Variants in MAN2A1 observed in about 807,000 individuals in gnomAD.
MAN2A1 encodes mannosidase alpha class 2A member 1.
MAN2A1 carries 76 observed loss-of-function variants against 142.6 expected under a neutral mutation model. That is an observed-to-expected ratio of 0.53 (90% confidence interval 0.44 to 0.65). The LOEUF (loss-of-function observed/expected upper bound fraction) is 0.65, where lower values mean the gene tolerates loss of function less well. Ranked by LOEUF, MAN2A1 falls within the 30% of genes least tolerant of loss-of-function variation. The pLI, the probability that MAN2A1 is intolerant of heterozygous loss-of-function variation, is 0.00. For synonymous variants in MAN2A1, 559 were observed against 473.2 expected (o/e 1.18, Z -2.35); for missense variants, 1,311 against 1,365.1 (o/e 0.96, Z 0.62).
chr5:109,755,381 G>C lies in MAN2A1; in HGVS notation c.760G>C (p.Asp254His). The C allele has an allele frequency of 1.2e-6, 2 of 1,612,158 alleles. No individual in the cohort carries two copies. The highest frequency in any genetic ancestry group is 1.7e-6 in the Non-Finnish European group (2 of 1,178,252). The change falls in exon 5 of 22, where the codon GAT (aspartate) becomes CAT (histidine). Residue 254 changes from aspartate to histidine, a missense_variant. This residue lies in a region of MAN2A1 where 409 missense variants were observed against 412.7 expected (regional missense o/e 0.99). Transcript: ENST00000261483. ...TGTGACAGGTGGCTGGGTTATGCCT[G>C]ATGAAGCTACTCCACATTATTTTGC... Reference protein sequence around the residue: ...EIVTGGWVMPDEATPHYFALI... With the variant: ...EIVTGGWVMPHEATPHYFALI...
chr5:109,863,914 C>G (rs75009266), intron 20 of MAN2A1: 16 of 152,174 alleles, frequency 1.1e-4, no homozygotes. Context: ...TAGCAGTACC[C>G]CTACAAAATA....
chr5:109,773,874 C>T (rs1753215122), intron 7 of MAN2A1, among the ~76,000 whole-genome samples: 1 of 152,060 alleles, frequency 6.6e-6, no homozygotes, highest in Non-Finnish European at 1.5e-5. Flanking sequence ...TATAAAAATA[C>T]TTGTCGTTTA....
intron 20 of MAN2A1, chr5:109,864,290 T>G (rs1013090244): frequency 1.3e-5 from 2 of 152,236 alleles, no homozygotes; most frequent in African/African-American, 4.8e-5. Context: ...AATTGTATTT[T>G]AAAATATTCA....
At chr5:109,738,817 A>G (rs1340061750) in intron 4 of MAN2A1, among the ~76,000 whole-genome samples, 2 of 152,016 alleles carry the variant, frequency 1.3e-5, no homozygotes, top group East Asian at 3.9e-4. Flanking sequence ...TTAATGCTGA[A>G]GTCTTCTATA....
In MAN2A1 at chr5:109,798,773, C is replaced by T. The variant is rs566460596; in HGVS notation, c.1943+9246C>T. On this transcript the variant is annotated intron_variant, in intron 12 of 21. Transcript: ENST00000261483. ...CTCGGCTTACTGCAAGCTCCGCCTC[C>T]CAGGTTCACACCATTCTCCTGCCTC... 5.5e-4 allele frequency among the ~76,000 whole-genome samples: 83 copies of T among 152,258 alleles called. 1 individual carries two copies. Among genetic ancestry groups the T allele is most frequent in the African/African-American group, 1.7e-3 (72 of 41,552 alleles).
chr5:109,800,103 A>C (rs1753978683), intron 12 of MAN2A1, among the ~76,000 whole-genome samples: 1 of 151,966 alleles, frequency 6.6e-6, no homozygotes, highest in Admixed American at 6.6e-5. Context: ...AAAAAAAAAA[A>C]AAACAACCTC....
intron 1 of MAN2A1, among the ~76,000 whole-genome samples, chr5:109,712,372 T>G (rs771491364): frequency 1.4e-4 from 21 of 152,204 alleles, no homozygotes; most frequent in Non-Finnish European, 3.1e-4. Flanking sequence ...CCTTACTTTA[T>G]CTTCTGAAAA....
In MAN2A1 at chr5:109,867,018, A is replaced by G. The variant is rs1372217108; in HGVS notation, c.*20A>G. 21 of 1,601,754 alleles carry G rather than the reference A, an allele frequency of 1.3e-5. No individual in the cohort carries two copies. The highest frequency in any genetic ancestry group is 1.7e-5 in the Non-Finnish European group (20 of 1,174,146). On this transcript the variant is annotated 3_prime_UTR_variant, in exon 22 of 22. Transcript: ENST00000261483. ...AGGTGAACCTGACTTTCACATTTGG[A>G]TTGAGAATCATTGGCTTTTATACCT...
chr5:109,751,949 C>T (rs1196277950), intron 4 of MAN2A1, among the ~76,000 whole-genome samples: 1 of 151,994 alleles, frequency 6.6e-6, no homozygotes, highest in Non-Finnish European at 1.5e-5. Context: ...TAAACTTACT[C>T]TTCTTTTTCA....
At chr5:109,812,987 T>C (rs367865564) in intron 12 of MAN2A1, among the ~76,000 whole-genome samples, 4 of 152,312 alleles carry the variant, frequency 2.6e-5, no homozygotes, top group South Asian at 2.1e-4. Flanking sequence ...AGTGCACTTA[T>C]AAAGAACTTG....
chr5:109,840,635 G>T, intron 16 of MAN2A1: 1 of 465,522 alleles, frequency 2.1e-6, no homozygotes, highest in South Asian at 1.6e-5. Flanking sequence ...AGATTCCCTG[G>T]GACGTTTAAA....
At chr5:109,807,239 C>G (rs1271392437) in intron 12 of MAN2A1, among the ~76,000 whole-genome samples, 1 of 152,146 alleles carries the variant, frequency 6.6e-6, no homozygotes, top group Non-Finnish European at 1.5e-5. Context: ...CACCTCCATC[C>G]TGTTTTCCAG....
chr5:109,735,057 T>C (rs997256343), intron 4 of MAN2A1, among the ~76,000 whole-genome samples: 1 of 152,232 alleles, frequency 6.6e-6, no homozygotes, highest in Non-Finnish European at 1.5e-5. Context: ...TGGGTGCTCC[T>C]GTATTGGGTG....
At chr5:109,820,038 A>T (rs1397592930) in intron 14 of MAN2A1, 151 bp downstream of exon 14, 10 of 791,430 alleles carry the variant, frequency 1.3e-5, no homozygotes, top group Non-Finnish European at 2.0e-5. Flanking sequence ...TTGCACCTTC[A>T]TTGACCACTT....
At position 109,866,908 on chromosome 5, in the gene MAN2A1, C is replaced by G; in HGVS notation, c.3345C>G (p.Ser1115=). The G allele has an allele frequency of 6.2e-7, 1 of 1,611,978 alleles. No individual in the cohort carries two copies. Among genetic ancestry groups the G allele is most frequent in the Non-Finnish European group, 8.5e-7 (1 of 1,178,392 alleles). The change falls in exon 22 of 22, where the codon TCC becomes TCG. Residue 1115 remains serine (S), a synonymous_variant. Coordinates refer to ENST00000261483, the MANE Select transcript of MAN2A1 (RefSeq NM_002372.4). ...AAAGTCTCACACCTTCATCACTATC[C>G]TTGATGCATTCACCTCCCGGCACTC... The part of the protein sequence containing the change: ...IVESLTPSSL[S]LMHSPPGTQN...
At position 109,695,163 on chromosome 5, in the gene MAN2A1, C is replaced by G. The variant is rs140149644; in HGVS notation, c.135+4611C>G. Among the ~76,000 whole-genome samples, 145 of 152,292 alleles carry G rather than the reference C, an allele frequency of 9.5e-4. 1 individual carries two copies. The highest frequency in any genetic ancestry group is 3.4e-3 in the African/African-American group (141 of 41,554). On this transcript the variant is annotated intron_variant, in intron 1 of 21. Coordinates refer to ENST00000261483, the MANE Select transcript of MAN2A1 (RefSeq NM_002372.4). ...CCCAAACTTATTTCCTGTAAACCAA[C>G]TGGGCCAGATACTCATGACTGTCTG...
chr5:109,732,138 T>G (rs1447044231), intron 4 of MAN2A1, among the ~76,000 whole-genome samples: 1 of 151,122 alleles, frequency 6.6e-6, no homozygotes, highest in Admixed American at 6.6e-5. Context: ...TTTCATGTGT[T>G]TTTTGGCTGC....
intron 12 of MAN2A1, among the ~76,000 whole-genome samples, chr5:109,792,410 C>G (rs1753759066): frequency 6.6e-6 from 1 of 151,938 alleles, no homozygotes. Context: ...AGCTTCTTAC[C>G]CTTTTGTCTT....
intron 9 of MAN2A1, 50 bp downstream of exon 9, chr5:109,781,648 ATAATCT>A (rs776814995): frequency 3.9e-6 from 5 of 1,292,956 alleles, no homozygotes; most frequent in South Asian, 3.0e-5. Flanking sequence ...TTATATTATC[ATAATCT>A]TTTTGTAGAG....
Sources: gnomAD v4.1 joint callset for allele counts (sites outside exome capture counted in the v4.1 genomes callset) on GRCh38, gnomAD v4.1.1 for gene constraint, gnomAD v4.1.1 regional missense constraint, MANE v1.5 for transcripts, NCBI Gene and HGNC (gene_info 2026-07-23, HGNC 2026-07-21) for gene names.